The following GRM3 variants were observed in gnomAD, a reference collection of about 807,000 sequenced individuals.
GRM3 encodes the protein glutamate metabotropic receptor 3, also known as metabotropic glutamate receptor 3.
A neutral mutation model predicts 70.5 loss-of-function variants in GRM3; 26 were observed. That is an observed-to-expected ratio of 0.37 (90% CI 0.27 to 0.51). The LOEUF is 0.51. GRM3 is among the 20% of genes least tolerant of loss of function. The pLI, the probability that GRM3 is intolerant of heterozygous loss-of-function variation, is 0.93. For synonymous variants in GRM3, 443 were observed against 434.9 expected, an observed-to-expected ratio of 1.02 and a Z score of -0.23; for missense variants, 859 against 1,123.8, an observed-to-expected ratio of 0.76 and a Z score of 3.37.
chr7:86,724,490 T>C (rs1795546660), intron 1 of GRM3, among the ~76,000 whole-genome samples: 1 of 152,118 alleles, frequency 6.6e-6, no homozygotes, highest in Admixed American at 6.6e-5. Context: ...AGGAGCCCTT[T>C]ACATTATTTA....
intron 1 of GRM3, among the ~76,000 whole-genome samples, chr7:86,763,979 T>G (rs1326119819): frequency 6.6e-6 from 1 of 152,042 alleles, no homozygotes; most frequent in African/African-American, 2.4e-5. Flanking sequence ...GTTAAGCGGT[T>G]AGATTCTGCA....
intron 3 of GRM3, among the ~76,000 whole-genome samples, chr7:86,798,385 C>T (rs1797605948): frequency 6.6e-6 from 1 of 152,250 alleles, no homozygotes; most frequent in East Asian, 1.9e-4. Flanking sequence ...ATGAGCTTGA[C>T]CTGGATGTGA....
At chr7:86,696,605 T>C (rs540090061) in intron 1 of GRM3, among the ~76,000 whole-genome samples, 47 of 152,340 alleles carry the variant, frequency 3.1e-4, no homozygotes, top group Non-Finnish European at 6.5e-4. Flanking sequence ...AGCATACTAA[T>C]ATACCATCAG....
intron 1 of GRM3, among the ~76,000 whole-genome samples, chr7:86,699,068 A>C (rs529259723): frequency 9.9e-5 from 15 of 152,212 alleles, no homozygotes; most frequent in Non-Finnish European, 2.2e-4. Flanking sequence ...TAAAGTAAAA[A>C]ATTATAGTTT....
rs180801312 is a variant in GRM3 at position 86,722,259 on chromosome 7, C to T, written c.-140-42747C>T. On this transcript the variant is annotated intron_variant, in intron 1 of 5. Transcript: ENST00000361669. ...CAGCAATCCCATTACTGGGTATATACCCAAAGGATTATAAATCATTCCACT... is the reference window on the plus strand; with the variant it reads ...CAGCAATCCCATTACTGGGTATATATCCAAAGGATTATAAATCATTCCACT... Among the ~76,000 whole-genome samples the T allele has an allele frequency of 2.0e-5, 3 of 152,130 alleles. No homozygotes were observed. In the East Asian group the frequency reaches 5.8e-4, roughly 29 times the overall value.
At chr7:86,767,735 G>A (rs775750885) in intron 2 of GRM3, among the ~76,000 whole-genome samples, 1 of 151,606 alleles carries the variant, frequency 6.6e-6, no homozygotes, top group African/African-American at 2.4e-5. Flanking sequence ...TGCAATAAAT[G>A]GTACTCTACA....
At position 86,723,774 on chromosome 7, in the gene GRM3, C is replaced by G. The variant is rs545857253; in HGVS notation, c.-140-41232C>G. 7.2e-5 allele frequency among the ~76,000 whole-genome samples: 11 copies of G among 152,202 alleles called. No homozygotes were observed. The East Asian group carries it at 2.1e-3, about 30-fold the overall frequency. On this transcript the variant is annotated intron_variant, in intron 1 of 5. Transcript: ENST00000361669. ...GAGGACTTTAAAGTTTTCTCTGCCC[C>G]TAGTTGCAGTCTTCACCTTGTTCCC...
chr7:86,839,537 A>T lies in GRM3; in HGVS notation c.2023A>T (p.Asn675Tyr). 6.2e-7 allele frequency: 1 copy of T among 1,608,494 alleles called. No individual in the cohort carries two copies. The highest frequency in any genetic ancestry group is 8.5e-7 in the Non-Finnish European group (1 of 1,176,860). Residue 675 changes from asparagine to tyrosine, a missense_variant, in exon 4 of 6, where the codon AAT (asparagine) becomes TAT (tyrosine). Transcript: ENST00000361669. This position sits in a 1 kb window ranked among gnomAD's most constrained non-coding sequence, Gnocchi z 4.5. ...TGCCCGCATCTTCGATGGGGTCAAG[A>T]ATGGCGCTCAGAGGCCAAAATTCAT... The part of the protein sequence containing the change: ...CIARIFDGVK[N>Y]GAQRPKFISP...
chr7:86,692,865 T>C (rs1041802394), intron 1 of GRM3, among the ~76,000 whole-genome samples: 4 of 152,270 alleles, frequency 2.6e-5, no homozygotes, highest in East Asian at 1.9e-4. Flanking sequence ...AAAAAACCAA[T>C]AGTAAAGCAG....
chr7:86,727,372 C>G (rs1480664708), intron 1 of GRM3, among the ~76,000 whole-genome samples: 2 of 152,128 alleles, frequency 1.3e-5, no homozygotes, highest in Admixed American at 6.6e-5. Context: ...TGGTTAACTC[C>G]CAAATCCCAA....
chr7:86,710,269 A>C (rs1795163027), intron 1 of GRM3: 1 of 151,946 alleles, frequency 6.6e-6, no homozygotes, highest in Non-Finnish European at 1.5e-5. Context: ...TAGTTAGTTA[A>C]ATTTAAAATG....
At chr7:86,715,334 G>A (rs914468684) in intron 1 of GRM3, among the ~76,000 whole-genome samples, 3 of 151,920 alleles carry the variant, frequency 2.0e-5, no homozygotes, top group African/African-American at 4.8e-5. Flanking sequence ...TTTAACATAA[G>A]ACATATTTGG....
chr7:86,731,858 A>AT (rs916435717), intron 1 of GRM3, among the ~76,000 whole-genome samples: 9 of 151,668 alleles, frequency 5.9e-5, no homozygotes, highest in Admixed American at 1.3e-4. Context: ...CCACATCTTA[A>AT]TTTTTTTTTA....
chr7:86,808,829 T>C (rs1199333095), intron 3 of GRM3, among the ~76,000 whole-genome samples: 1 of 151,908 alleles, frequency 6.6e-6, no homozygotes, highest in Non-Finnish European at 1.5e-5. Flanking sequence ...TTAATATGTT[T>C]AAGGGGAAGC....
chr7:86,864,285 C>T lies in GRM3; in HGVS notation c.2570C>T (p.Ser857Phe), dbSNP rs1799019974. 6.4e-7 allele frequency: 1 copy of T among 1,561,140 alleles called. No individual in the cohort carries two copies. The highest frequency in any genetic ancestry group is 1.4e-5 in the African/African-American group (1 of 73,866). Residue 857 changes from serine (S) to phenylalanine (F), a missense_variant, in exon 6 of 6, where the codon TCT (serine) becomes TTT (phenylalanine). Coordinates refer to ENST00000361669, the MANE Select transcript of GRM3 (RefSeq NM_000840.3). ...TCTGTCCCACTTTGTTTTCCAGCCT[C>T]TGCAAGCACGTATGTGCCAACGGTG... ...SGTGTTYSQS[S>F]ASTYVPTVCN...
chr7:86,704,043 T>A (rs1258602116), intron 1 of GRM3, among the ~76,000 whole-genome samples: 1 of 151,976 alleles, frequency 6.6e-6, no homozygotes, highest in Non-Finnish European at 1.5e-5. Flanking sequence ...ATCTCTCTAC[T>A]TACCTCAGGT....
At position 86,697,742 on chromosome 7, in the gene GRM3, CTATT is replaced by C. The variant is rs563494497; in HGVS notation, c.-141+52873_-141+52876del. Among the ~76,000 whole-genome samples, 7 of 152,158 alleles carry C rather than the reference CTATT, an allele frequency of 4.6e-5. No homozygotes were observed. In the South Asian group the frequency reaches 1.5e-3, roughly 32 times the overall value. Reference sequence around the variant, plus strand: ...CCCTTTGCAAACTTACTTTCACAGACTATTTACGGTGTATTACATATTTACTCAG... The same window carrying C: ...CCCTTTGCAAACTTACTTTCACAGACTACGGTGTATTACATATTTACTCAG... On this transcript the variant is annotated intron_variant, in intron 1 of 5. Coordinates refer to ENST00000361669, the MANE Select transcript of GRM3 (RefSeq NM_000840.3).
At chr7:86,806,148 T>C (rs943197478) in intron 3 of GRM3, among the ~76,000 whole-genome samples, 13 of 152,210 alleles carry the variant, frequency 8.5e-5, no homozygotes, top group Non-Finnish European at 1.3e-4. Flanking sequence ...CAGTCTATCA[T>C]TGATGGACAT....
At chr7:86,854,913 A>G (rs1056740251) in intron 5 of GRM3, among the ~76,000 whole-genome samples, 2 of 152,194 alleles carry the variant, frequency 1.3e-5, no homozygotes, top group Non-Finnish European at 2.9e-5. Flanking sequence ...ATCCACATGC[A>G]GTGATTTCCC....
Sources: gnomAD v4.1 joint callset for allele counts (sites outside exome capture counted in the v4.1 genomes callset) on GRCh38, gnomAD v4.1.1 for gene constraint, Gnocchi (gnomAD v3.1) non-coding constraint, MANE v1.5 for transcripts, NCBI Gene and HGNC (gene_info 2026-07-23, HGNC 2026-07-21) for gene names.